The following LARP4B variants were observed in gnomAD, a reference collection of about 807,000 sequenced individuals.
LARP4B encodes the protein La ribonucleoprotein 4B, also known as la-related protein 4B.
LARP4B carries 12 observed loss-of-function variants against 89.8 expected under a neutral mutation model. The ratio of observed to expected loss-of-function variants is 0.13; its 90% CI spans 0.09 to 0.22. The LOEUF (loss-of-function observed/expected upper bound fraction) is 0.22. LARP4B is among the 10% of genes least tolerant of loss of function. LARP4B has a pLI of 1.00. For synonymous variants in LARP4B, 367 were observed against 363.3 expected, an observed-to-expected ratio of 1.01 and a Z score of -0.12; for missense variants, 757 against 947.7, an observed-to-expected ratio of 0.80 and a Z score of 2.64.
chr10:921,287 AAAAG>A (rs891331669), intron 1 of LARP4B, among the ~76,000 whole-genome samples: 3 of 152,132 alleles, frequency 2.0e-5, no homozygotes, highest in South Asian at 2.1e-4. Context: ...AAAAAAAAGA[AAAAG>A]AAAGAAAGAA....
At chr10:961,202 C>G in the LARP4B span, among the ~76,000 whole-genome samples, 3 of 152,248 alleles carry the variant, frequency 2.0e-5, no homozygotes, top group Admixed American at 6.5e-5. Context: ...AGGTCAGAAA[C>G]TCATATTTCT....
At chr10:829,809 G>A in intron 9 of LARP4B, 75 bp from the exon 10 acceptor site, 1 of 939,422 alleles carries the variant, frequency 1.1e-6, no homozygotes. Flanking sequence ...TCACTCAATA[G>A]CTCAAATAGG....
At chr10:924,168 C>A (rs1462967979) in intron 1 of LARP4B, among the ~76,000 whole-genome samples, 1 of 152,100 alleles carries the variant, frequency 6.6e-6, no homozygotes, top group Non-Finnish European at 1.5e-5. Flanking sequence ...CGCTCAAGCC[C>A]AGGTCGAGGC....
intron 15 of LARP4B, 61 bp from the exon 16 acceptor site, chr10:815,131 G>C: frequency 6.7e-7 from 1 of 1,499,312 alleles, no homozygotes; most frequent in Non-Finnish European, 8.9e-7. Flanking sequence ...GCTGGTACCA[G>C]TGCCCGTTCA....
chr10:859,558 C>T (rs1346591342), intron 5 of LARP4B, among the ~76,000 whole-genome samples: 3 of 152,150 alleles, frequency 2.0e-5, no homozygotes, highest in African/African-American at 7.2e-5. Flanking sequence ...AACTTCCTTC[C>T]GTACAAAAAC....
the LARP4B span, among the ~76,000 whole-genome samples, chr10:953,477 G>C: frequency 6.7e-5 from 5 of 74,796 alleles, no homozygotes; most frequent in East Asian, 4.4e-4. Context: ...CACCAGCCCA[G>C]AACCAACTGC....
chr10:975,907 G>A, the LARP4B span, among the ~76,000 whole-genome samples: 4 of 149,606 alleles, frequency 2.7e-5, no homozygotes, highest in Admixed American at 1.3e-4. Flanking sequence ...TAGGCCTGTC[G>A]TGCAACGTGT....
At chr10:833,384 A>G (rs1315703248) in intron 8 of LARP4B, among the ~76,000 whole-genome samples, 1 of 152,064 alleles carries the variant, frequency 6.6e-6, no homozygotes, top group African/African-American at 2.4e-5. Context: ...CATGCCCTAA[A>G]GCACCACTAA....
chr10:899,265 T>C (rs761674655), intron 1 of LARP4B, among the ~76,000 whole-genome samples: 4 of 152,214 alleles, frequency 2.6e-5, no homozygotes, highest in Non-Finnish European at 5.9e-5. Context: ...TTGATGATTT[T>C]TGCATTATGG....
chr10:896,857 T>C (rs1312430999), intron 1 of LARP4B, among the ~76,000 whole-genome samples: 1 of 152,154 alleles, frequency 6.6e-6, no homozygotes, highest in Non-Finnish European at 1.5e-5. Flanking sequence ...TGGAAAGACA[T>C]CCATGTTTAT....
At chr10:875,561 T>A (rs541968194) in intron 3 of LARP4B, among the ~76,000 whole-genome samples, 1 of 152,354 alleles carries the variant, frequency 6.6e-6, no homozygotes, top group Admixed American at 6.5e-5. Flanking sequence ...TCTAACAGAA[T>A]ACCTGAGATG....
intron 3 of LARP4B, chr10:873,274 G>A (rs1045459130): frequency 3.3e-5 from 33 of 985,132 alleles, no homozygotes; most frequent in Middle Eastern, 5.2e-4. Context: ...CTTGCACAGC[G>A]GTCACATGTT....
chr10:833,870 A>G (rs901197026), intron 8 of LARP4B, among the ~76,000 whole-genome samples: 19 of 150,480 alleles, frequency 1.3e-4, no homozygotes, highest in Admixed American at 2.7e-4. Flanking sequence ...GCCTGGCAAC[A>G]GAGCAAGATG....
At chr10:819,366 T>A (rs1418637819) in intron 14 of LARP4B, 1 of 152,196 alleles carries the variant, frequency 6.6e-6, no homozygotes, top group Non-Finnish European at 1.5e-5. Flanking sequence ...GAAGGCAGTG[T>A]TAAAATCCTC....
intron 1 of LARP4B, among the ~76,000 whole-genome samples, chr10:891,107 C>T (rs11253494): frequency 0.16 from 23,690 of 151,064 alleles, 2,003 homozygotes; most frequent in Non-Finnish European, 0.19. Context: ...TACCTCCTGA[C>T]GGAAATACCA....
At chr10:925,050 C>T (rs1304397054) in intron 1 of LARP4B, among the ~76,000 whole-genome samples, 1 of 152,114 alleles carries the variant, frequency 6.6e-6, no homozygotes, top group Admixed American at 6.5e-5. Flanking sequence ...GTCATAAATA[C>T]TATGAAAAAA....
intron 1 of LARP4B, among the ~76,000 whole-genome samples, chr10:893,168 C>A (rs974735874): frequency 7.2e-5 from 11 of 151,972 alleles, no homozygotes; most frequent in Admixed American, 6.6e-5. Flanking sequence ...CCCCCCTCGG[C>A]CTCCCAAAGT....
At chr10:836,876 C>T (rs1273651330) in intron 7 of LARP4B, among the ~76,000 whole-genome samples, 2 of 152,198 alleles carry the variant, frequency 1.3e-5, no homozygotes, top group Non-Finnish European at 2.9e-5. Flanking sequence ...ACCTAACGGT[C>T]GTGCACTGTT....
In LARP4B at chr10:901,464, T is replaced by C. The variant is rs557383970; in HGVS notation, c.-39-15704A>G. Among the ~76,000 whole-genome samples, 62 of 152,360 alleles carry C rather than the reference T, an allele frequency of 4.1e-4. No homozygotes were observed. In the South Asian group the frequency reaches 4.3e-3, roughly 11 times the overall value. The stretch of plus-strand genomic sequence containing the variant: ...CAGATTATTTTATGTTCCTTCCATG[T>C]ACCTTATACACATCATATACTCAAG... On this transcript the variant is annotated intron_variant, in intron 1 of 17. Transcript: ENST00000316157.
Sources: gnomAD v4.1 joint callset for allele counts (sites outside exome capture counted in the v4.1 genomes callset) on GRCh38, gnomAD v4.1.1 for gene constraint, MANE v1.5 for transcripts, NCBI Gene and HGNC (gene_info 2026-07-23, HGNC 2026-07-21) for gene names.